Variants in PPEF1 observed in about 807,000 individuals in gnomAD.
The protein encoded by PPEF1 is serine/threonine-protein phosphatase with EF-hands 1.
Under a neutral mutation model 53.3 loss-of-function variants are expected in PPEF1, and 12 were observed. The observed-to-expected ratio is 0.23, with a 90% CI of 0.14 to 0.36. PPEF1 has a LOEUF of 0.36. Among genes scored for constraint, PPEF1 ranks in the 10% least tolerant of loss-of-function variants. The pLI, the probability that PPEF1 is intolerant of heterozygous loss-of-function variation, is 1.00. For missense variants in PPEF1, 334 were observed against 490.4 expected, an observed-to-expected ratio of 0.68 and a Z score of 3.01; for synonymous variants, 165 against 176.7, an observed-to-expected ratio of 0.93 and a Z score of 0.52.
intron 12 of PPEF1, among the ~76,000 whole-genome samples, chrX:18,814,161 A>G (rs889196272): frequency 5.4e-5 from 6 of 111,812 alleles, no homozygotes; most frequent in African/African-American, 1.9e-4. Flanking sequence ...ATGTTGCTGC[A>G]AAAGAAATGA....
chrX:18,683,200 C>T (rs189610208), intron 1 of PPEF1, among the ~76,000 whole-genome samples: 61 of 111,498 alleles, frequency 5.5e-4, no homozygotes, highest in Non-Finnish European at 1.0e-3. Flanking sequence ...ACAGCCAAAC[C>T]GTATCACCTG....
intron 10 of PPEF1, among the ~76,000 whole-genome samples, chrX:18,797,877 T>G (rs1479549570): frequency 9.1e-6 from 1 of 109,738 alleles, no homozygotes; most frequent in Admixed American, 9.9e-5. Context: ...AATATTTTTG[T>G]ATTTTTAGTA....
At chrX:18,737,363 T>G (rs2045010729) in intron 3 of PPEF1, among the ~76,000 whole-genome samples, 1 of 112,323 alleles carries the variant, frequency 8.9e-6, no homozygotes, top group Non-Finnish European at 1.9e-5. Context: ...TCTTTATTTC[T>G]GCCTTCATTT....
chrX:18,730,722 T>C (rs1388599258), intron 2 of PPEF1, among the ~76,000 whole-genome samples: 1 of 109,604 alleles, frequency 9.1e-6, no homozygotes, highest in Non-Finnish European at 1.9e-5. Flanking sequence ...CCTTTTTTTT[T>C]TTTTTCTTCG....
At chrX:18,761,701 G>A (rs933254678) in intron 6 of PPEF1, 125 bp downstream of exon 6, 1 of 455,316 alleles carries the variant, frequency 2.2e-6, no homozygotes. Flanking sequence ...TTTTTAACCA[G>A]GAGGCTCAAA....
intron 4 of PPEF1, among the ~76,000 whole-genome samples, chrX:18,752,391 G>T (rs993282718): frequency 9.0e-6 from 1 of 111,008 alleles, no homozygotes; most frequent in Non-Finnish European, 1.9e-5. Context: ...GTATGTGTGC[G>T]TGTGTGGTGT....
At chrX:18,740,410 TCTC>T (rs202047810) in intron 3 of PPEF1, among the ~76,000 whole-genome samples, 807 of 80,638 alleles carry the variant, frequency 0.01, 5 homozygotes, top group African/African-American at 0.027. Flanking sequence ...CCTCTCTCTC[TCTC>T]TTTTTTTTTT....
intron 1 of PPEF1, among the ~76,000 whole-genome samples, chrX:18,710,184 C>T (rs2044293221): frequency 9.0e-6 from 1 of 111,601 alleles, no homozygotes; most frequent in Non-Finnish European, 1.9e-5. Flanking sequence ...AGATCATTTA[C>T]CCATTTTTAA....
In PPEF1 at chrX:18,735,066, C is replaced by T. The variant is rs777745328; in HGVS notation, c.235+1258C>T. Among the ~76,000 whole-genome samples the T allele has an allele frequency of 3.6e-5, 4 of 111,709 alleles. No homozygotes were observed. In the South Asian group the frequency reaches 1.5e-3, roughly 42 times the overall value. On this transcript the variant is annotated intron_variant, in intron 3 of 15. Transcript: ENST00000470157. ...TGGGTAGATTGTAAAAATTTTCTCC[C>T]ATTCTGTAGGTTGCCTGTTCACTCT...
intron 10 of PPEF1, among the ~76,000 whole-genome samples, chrX:18,795,786 G>C (rs1285187695): frequency 9.0e-6 from 1 of 111,728 alleles, no homozygotes; most frequent in Non-Finnish European, 1.9e-5. Flanking sequence ...CCTATTTCCC[G>C]AAAGAGGACA....
chrX:18,698,733 C>T (rs1442548719), intron 5 of PPEF1, among the ~76,000 whole-genome samples: 1 of 111,835 alleles, frequency 8.9e-6, no homozygotes, highest in Non-Finnish European at 1.9e-5. Context: ...TGCAGTGAGC[C>T]CAGAATGCAC....
At chrX:18,824,120 CAG>C in intron 14 of PPEF1, 34 bp downstream of exon 14, 1 of 1,138,224 alleles carries the variant, frequency 8.8e-7, no homozygotes, top group African/African-American at 1.8e-5. Flanking sequence ...AAAACCTAGC[CAG>C]GGTGAAACAT....
intron 3 of PPEF1, among the ~76,000 whole-genome samples, chrX:18,747,083 A>G (rs1456926659): frequency 9.0e-6 from 1 of 111,297 alleles, no homozygotes; most frequent in Non-Finnish European, 1.9e-5. Context: ...TTGAAGGATG[A>G]TAAATTGTCC....
At chrX:18,798,995 T>C (rs2046489975) in intron 10 of PPEF1, among the ~76,000 whole-genome samples, 1 of 109,492 alleles carries the variant, frequency 9.1e-6, no homozygotes, top group African/African-American at 3.3e-5. Flanking sequence ...CCCAGCACTT[T>C]GGGAGGCCGA....
At chrX:18,749,668 C>A in intron 3 of PPEF1, 124 bp from the exon 4 acceptor site, 1 of 489,407 alleles carries the variant, frequency 2.0e-6, no homozygotes, top group Non-Finnish European at 3.4e-6. Context: ...TGTTGATATG[C>A]AGAACATTTA....
chrX:18,777,068 G>A (rs1315499648), intron 6 of PPEF1, among the ~76,000 whole-genome samples: 9 of 112,344 alleles, frequency 8.0e-5, no homozygotes, highest in Non-Finnish European at 1.5e-4. Context: ...GCCGTGTGTG[G>A]TAAGTATGGA....
chrX:18,825,805 A>G lies in PPEF1; in HGVS notation c.1720A>G (p.Ile574Val). The G allele has an allele frequency of 8.3e-7, 1 of 1,204,428 alleles. No homozygotes were observed. Among genetic ancestry groups the G allele is most frequent in the Non-Finnish European group, 1.1e-6 (1 of 891,064 alleles). Residue 574 changes from isoleucine (I) to valine (V), a missense_variant, in exon 15 of 16, where the codon ATA becomes GTA. Ile to Val is a conservative substitution (Grantham distance 29). Transcript: ENST00000470157. The stretch of plus-strand genomic sequence containing the variant: ...CAGATACAGATCTGACCTGGAAATC[A>G]TATTTAATGCCATTGACACTGATCA... ...LYRYRSDLEI[I>V]FNAIDTDHSG...
chrX:18,819,693 TCAAA>T (rs747341773), intron 13 of PPEF1, among the ~76,000 whole-genome samples: 1,653 of 111,014 alleles, frequency 0.015, 36 homozygotes, highest in African/African-American at 0.051. Context: ...AAACTCTGTC[TCAAA>T]CAAACAAAAA....
intron 3 of PPEF1, among the ~76,000 whole-genome samples, chrX:18,747,104 A>C (rs1215045387): frequency 9.0e-6 from 1 of 111,335 alleles, no homozygotes; most frequent in African/African-American, 3.3e-5. Flanking sequence ...AAAGAAGAGA[A>C]AGCAAGGGTA....
Sources: gnomAD v4.1 joint callset for allele counts (sites outside exome capture counted in the v4.1 genomes callset) on GRCh38, gnomAD v4.1.1 for gene constraint, MANE v1.5 for transcripts, NCBI Gene and HGNC (gene_info 2026-07-23, HGNC 2026-07-21) for gene names.